EXOC6B: variants seen among roughly 807,000 people sequenced by gnomAD.
The protein encoded by EXOC6B is SEC15 homolog B.
Under a neutral mutation model 113.5 loss-of-function variants are expected in EXOC6B, and 54 were observed. That is an observed-to-expected ratio of 0.48 (90% CI 0.38 to 0.60). EXOC6B has a LOEUF of 0.60. Among genes scored for constraint, EXOC6B ranks in the 20% least tolerant of loss-of-function variants. EXOC6B has a pLI of 0.00. For missense variants in EXOC6B, 797 were observed against 977.5 expected (o/e 0.82, Z 2.46); for synonymous variants, 357 against 339.0 (o/e 1.05, Z -0.58).
chr2:72,651,115 G>A (rs1026960272), intron 6 of EXOC6B, among the ~76,000 whole-genome samples: 8 of 152,104 alleles, frequency 5.3e-5, no homozygotes, highest in African/African-American at 1.4e-4. Flanking sequence ...CTATGGACCC[G>A]CAATTACATA....
At chr2:72,434,882 G>A (rs562285605) in intron 18 of EXOC6B, among the ~76,000 whole-genome samples, 1 of 152,170 alleles carries the variant, frequency 6.6e-6, no homozygotes, top group East Asian at 1.9e-4. Context: ...ATTTTTTGAA[G>A]GGTTTTTCAT....
chr2:72,779,803 C>T (rs1197838070), intron 1 of EXOC6B, among the ~76,000 whole-genome samples: 2 of 152,142 alleles, frequency 1.3e-5, no homozygotes, highest in Admixed American at 1.3e-4. Context: ...AAGTCCTTTT[C>T]CTCTTTGGTC....
chr2:72,407,891 A>G (rs1328643054), intron 18 of EXOC6B, among the ~76,000 whole-genome samples: 1 of 152,212 alleles, frequency 6.6e-6, no homozygotes, highest in Admixed American at 6.5e-5. Context: ...AAGGAAATAA[A>G]GGGTATTCAA....
At chr2:72,354,241 G>C (rs1206462916) in intron 19 of EXOC6B, 1 of 152,116 alleles carries the variant, frequency 6.6e-6, no homozygotes, top group Non-Finnish European at 1.5e-5. Flanking sequence ...AGAATTTCAG[G>C]GTATTGAAGG....
intron 1 of EXOC6B, among the ~76,000 whole-genome samples, chr2:72,757,743 T>C (rs1682508359): frequency 6.6e-6 from 1 of 152,168 alleles, no homozygotes; most frequent in Non-Finnish European, 1.5e-5. Flanking sequence ...GAAAACTCCT[T>C]CTCAGGATCG....
intron 6 of EXOC6B, among the ~76,000 whole-genome samples, chr2:72,717,722 T>A (rs1679717506): frequency 6.6e-6 from 1 of 152,214 alleles, no homozygotes; most frequent in East Asian, 1.9e-4. Flanking sequence ...CTATCTTGCT[T>A]ACGTAGTAAA....
In EXOC6B at chr2:72,718,275, A is replaced by G. The variant is rs1364410656; in HGVS notation, c.497T>C (p.Leu166Pro). ...TACTTGAGGCAGGTAGGTATGCTCT[A>G]GATGTTCCAGAGTTTTCAGTGCAGG... The part of the protein sequence containing the change: ...HYPALKTLEH[L>P]EHTYLPQVSH... The change falls in exon 6 of 22, where the codon CTA becomes CCA. Residue 166 changes from leucine (L) to proline (P), a missense_variant. Physicochemically the swap from Leu to Pro is moderately conservative, Grantham distance 98. Coordinates refer to ENST00000272427, the MANE Select transcript of EXOC6B (RefSeq NM_015189.3). 6.2e-7 allele frequency: 1 copy of G among 1,613,728 alleles called. No homozygotes were observed. The highest frequency in any genetic ancestry group is 1.7e-5 in the Admixed American group (1 of 59,994).
chr2:72,224,994 G>GTGTGTGTATATATATA (rs908047817), intron 20 of EXOC6B, among the ~76,000 whole-genome samples: 6 of 137,254 alleles, frequency 4.4e-5, no homozygotes, highest in Admixed American at 7.5e-5. Flanking sequence ...GTGTGTGTGT[G>GTGTGTGTATATATATA]TATATATATA....
rs142252351 is a variant in EXOC6B, at chr2:72,709,465, C to T, written c.669+8638G>A. Among the ~76,000 whole-genome samples, 80 of 152,236 alleles carry T rather than the reference C, an allele frequency of 5.3e-4. No homozygotes were observed. In the East Asian group the frequency reaches 0.013, roughly 25 times the overall value. ...ACTTGGCTTCACTACATTCTGCACACGTGGCAGGGGTCGAGGGTTGCTGAA... is the reference window on the plus strand; with the variant it reads ...ACTTGGCTTCACTACATTCTGCACATGTGGCAGGGGTCGAGGGTTGCTGAA... On this transcript the variant is annotated intron_variant, in intron 6 of 21. Transcript: ENST00000272427.
intron 5 of EXOC6B, among the ~76,000 whole-genome samples, chr2:72,722,816 T>A (rs1349212556): frequency 6.6e-6 from 1 of 152,200 alleles, no homozygotes; most frequent in South Asian, 2.1e-4. Context: ...ACATTGTTTA[T>A]AGAATGAGGA....
chr2:72,669,496 T>C (rs1317383481), intron 6 of EXOC6B, among the ~76,000 whole-genome samples: 1 of 152,046 alleles, frequency 6.6e-6, no homozygotes, highest in African/African-American at 2.4e-5. Context: ...AATAAACATA[T>C]CATTACCATC....
At chr2:72,265,528 T>C (rs1456689293) in intron 20 of EXOC6B, among the ~76,000 whole-genome samples, 1 of 151,758 alleles carries the variant, frequency 6.6e-6, no homozygotes, top group African/African-American at 2.4e-5. Context: ...CTTGCGATAG[T>C]TTACTGAGAA....
intron 18 of EXOC6B, among the ~76,000 whole-genome samples, chr2:72,409,427 T>C (rs1453257499): frequency 6.6e-6 from 1 of 152,204 alleles, no homozygotes; most frequent in Non-Finnish European, 1.5e-5. Context: ...TGTATGTTTA[T>C]TGCGGTACTA....
At chr2:72,382,213 T>C (rs890375091) in intron 18 of EXOC6B, among the ~76,000 whole-genome samples, 1 of 152,066 alleles carries the variant, frequency 6.6e-6, no homozygotes, top group African/African-American at 2.4e-5. Flanking sequence ...AAAAACAGGG[T>C]TCAACATAAT....
At chr2:72,806,365 A>G (rs1411620371) in intron 1 of EXOC6B, among the ~76,000 whole-genome samples, 1 of 152,112 alleles carries the variant, frequency 6.6e-6, no homozygotes, top group African/African-American at 2.4e-5. Context: ...GATTTCATTC[A>G]TTTTTATGGC....
At chr2:72,609,001 A>C (rs1217401246) in intron 6 of EXOC6B, among the ~76,000 whole-genome samples, 1 of 152,100 alleles carries the variant, frequency 6.6e-6, no homozygotes, top group East Asian at 1.9e-4. Flanking sequence ...GGGGACTGGA[A>C]TCTAGATGAG....
intron 19 of EXOC6B, among the ~76,000 whole-genome samples, chr2:72,336,822 C>T (rs1441596885): frequency 1.3e-5 from 2 of 151,984 alleles, no homozygotes; most frequent in South Asian, 2.1e-4. Context: ...GCCTGACTAA[C>T]GTGGTGAAAT....
chr2:72,682,586 T>C (rs755324182), intron 6 of EXOC6B, among the ~76,000 whole-genome samples: 1 of 152,062 alleles, frequency 6.6e-6, no homozygotes, highest in African/African-American at 2.4e-5. Flanking sequence ...AGAGTGACCA[T>C]AAAGGGATAA....
chr2:72,663,599 A>C (rs185349179), intron 6 of EXOC6B, among the ~76,000 whole-genome samples: 1 of 152,316 alleles, frequency 6.6e-6, no homozygotes, highest in Non-Finnish European at 1.5e-5. Context: ...CTGTGCTTAC[A>C]AAGAAATTTA....
Sources: allele counts gnomAD v4.1 joint callset (sites outside exome capture counted in the v4.1 genomes callset), GRCh38; gene constraint gnomAD v4.1.1; transcripts MANE v1.5; gene names NCBI Gene and HGNC (gene_info 2026-07-23, HGNC 2026-07-21).